The following ABLIM1 variants were observed in gnomAD, a reference collection of about 807,000 sequenced individuals.
ABLIM1 encodes the protein actin-binding LIM protein 1.
Under a neutral mutation model 107.0 loss-of-function variants are expected in ABLIM1, and 40 were observed. That is an observed-to-expected ratio of 0.37 (90% CI 0.29 to 0.49). The LOEUF (loss-of-function observed/expected upper bound fraction) is 0.49, where lower values mean the gene tolerates loss of function less well. Among genes scored for constraint, ABLIM1 ranks in the 20% least tolerant of loss-of-function variants. The pLI is 0.97. For synonymous variants in ABLIM1, 357 were observed against 357.3 expected (o/e 1.00, Z 0.01); for missense variants, 857 against 1,008.5 (o/e 0.85, Z 2.04).
chr10:114,601,097 C>G (rs868543473), intron 2 of ABLIM1, among the ~76,000 whole-genome samples: 9 of 92,146 alleles, frequency 9.8e-5, no homozygotes, highest in South Asian at 4.0e-4. Context: ...CACACACACA[C>G]ACACACACAG....
intron 12 of ABLIM1, among the ~76,000 whole-genome samples, chr10:114,461,224 G>T (rs960975672): frequency 6.6e-6 from 1 of 151,370 alleles, no homozygotes; most frequent in Non-Finnish European, 1.5e-5. Context: ...CACCATGCCC[G>T]GCTAATTTTT....
At chr10:114,704,377 C>A (rs893599656) in intron 1 of ABLIM1, among the ~76,000 whole-genome samples, 1 of 140,918 alleles carries the variant, frequency 7.1e-6, no homozygotes, top group East Asian at 2.2e-4. Context: ...ATAACAAGAG[C>A]CTAAATTGTT....
At chr10:114,589,217 G>GT (rs780535293) in intron 2 of ABLIM1, among the ~76,000 whole-genome samples, 4,389 of 136,100 alleles carry the variant, frequency 0.032, 100 homozygotes, top group African/African-American at 0.061. Context: ...GTGTGTGTGT[G>GT]TTTTTTTTTT....
At chr10:114,540,063 C>A (rs1431663693) in intron 6 of ABLIM1, among the ~76,000 whole-genome samples, 3 of 152,254 alleles carry the variant, frequency 2.0e-5, no homozygotes, top group African/African-American at 7.2e-5. Context: ...GAAGATGTAC[C>A]ATTTATAGCA....
At chr10:114,763,580 C>T (rs568285568) in intron 1 of ABLIM1, among the ~76,000 whole-genome samples, 14 of 152,050 alleles carry the variant, frequency 9.2e-5, no homozygotes, top group Admixed American at 6.5e-4. Context: ...TTAGTAGAGA[C>T]GGGGTTTCAC....
intron 1 of ABLIM1, among the ~76,000 whole-genome samples, chr10:114,740,681 T>C (rs2082268466): frequency 6.6e-6 from 1 of 152,114 alleles, no homozygotes. Flanking sequence ...AGTATATATA[T>C]ACTATATTAG....
the ABLIM1 span, among the ~76,000 whole-genome samples, chr10:114,782,291 T>A: frequency 6.6e-6 from 1 of 152,158 alleles, no homozygotes. Context: ...AGGAATCTTA[T>A]AGATTCATTT....
chr10:114,708,123 G>C (rs1266862887), intron 1 of ABLIM1, among the ~76,000 whole-genome samples: 1 of 152,136 alleles, frequency 6.6e-6, no homozygotes, highest in African/African-American at 2.4e-5. Flanking sequence ...CTAAGGAGAA[G>C]AGCGTTTAAA....
At chr10:114,704,335 T>TCACG (rs3061769) in intron 1 of ABLIM1, among the ~76,000 whole-genome samples, 9,776 of 82,488 alleles carry the variant, frequency 0.12, 1,115 homozygotes, top group East Asian at 0.23. Context: ...TATATATATA[T>TCACG]TGCGCGCGTT....
intron 4 of ABLIM1, among the ~76,000 whole-genome samples, chr10:114,552,557 C>T (rs963242410): frequency 2.0e-5 from 3 of 151,446 alleles, no homozygotes; most frequent in Admixed American, 6.6e-5. Context: ...TCACTCTTGG[C>T]ATCAAAAGCC....
At position 114,676,568 on chromosome 10, in the gene ABLIM1, G is replaced by C. The variant is rs367819565; in HGVS notation, c.64+7722C>G. 1.5e-4 allele frequency among the ~76,000 whole-genome samples: 23 copies of C among 152,068 alleles called. No individual in the cohort carries two copies. The East Asian group carries it at 2.7e-3, about 18-fold the overall frequency. On this transcript the variant is annotated intron_variant, in intron 1 of 23. Coordinates refer to the ABLIM1 transcript ENST00000369256. ...CTGGATTTATACGATTATGTTTCTT[G>C]GGGAAATGGTATTCCCAAGAAACTC...
chr10:114,610,458 CT>C, intron 1 of ABLIM1, among the ~76,000 whole-genome samples: 1 of 152,326 alleles, frequency 6.6e-6, no homozygotes, highest in East Asian at 1.9e-4. Flanking sequence ...AATATTTTCT[CT>C]GCTTCTACCC....
At position 114,533,108 on chromosome 10, in the gene ABLIM1, G is replaced by A. The variant is rs187687621; in HGVS notation, c.894+11897C>T. 1.9e-3 allele frequency among the ~76,000 whole-genome samples: 282 copies of A among 152,308 alleles called. 2 individuals carry two copies. Among genetic ancestry groups the A allele is most frequent in the African/African-American group, 6.5e-3 (272 of 41,568 alleles). ...TTATCCCAGCACTTTGGGTGGCTGA[G>A]GTGGGTGGATCATTTGAGGTCAGGA... On this transcript the variant is annotated intron_variant, in intron 6 of 22. Transcript: ENST00000533213.
At position 114,727,964 on chromosome 10, in the gene ABLIM1, C is replaced by G. The variant is rs377450391; in HGVS notation, c.-213+40097G>C. ...AAAATTTCTGTTCAAAAACAGCCAC[C>G]ATAAAAACAAACTGGGAGATGTGTA... On this transcript the variant is annotated intron_variant, in intron 1 of 15. Transcript: ENST00000651092. Among the ~76,000 whole-genome samples the G allele has an allele frequency of 6.8e-4, 103 of 152,186 alleles. 3 individuals carry two copies. The South Asian group carries it at 0.02, about 29-fold the overall frequency.
intron 8 of ABLIM1, among the ~76,000 whole-genome samples, chr10:114,479,686 C>A (rs1471330107): frequency 6.6e-6 from 1 of 152,160 alleles, no homozygotes; most frequent in Non-Finnish European, 1.5e-5. Context: ...TCCCTAATGT[C>A]TCTCAGAGTG....
chr10:114,646,075 A>G (rs1292073917), intron 1 of ABLIM1, among the ~76,000 whole-genome samples: 1 of 152,118 alleles, frequency 6.6e-6, no homozygotes, highest in Non-Finnish European at 1.5e-5. Context: ...TTCTCTCACT[A>G]TCTCTAGCAA....
At chr10:114,783,092 G>A in the ABLIM1 span, among the ~76,000 whole-genome samples, 4 of 152,044 alleles carry the variant, frequency 2.6e-5, no homozygotes, top group East Asian at 7.7e-4. Context: ...GACCAGCCTG[G>A]CCAACATAGT....
At chr10:114,763,313 G>A (rs906574173) in intron 1 of ABLIM1, among the ~76,000 whole-genome samples, 1 of 152,008 alleles carries the variant, frequency 6.6e-6, no homozygotes, top group African/African-American at 2.4e-5. Flanking sequence ...CAGCCTGTTT[G>A]AATTTAAACA....
At chr10:114,472,659 C>T (rs1023830804) in intron 10 of ABLIM1, among the ~76,000 whole-genome samples, 1 of 152,038 alleles carries the variant, frequency 6.6e-6, no homozygotes, top group East Asian at 1.9e-4. Context: ...TAGACTAAGA[C>T]CCCCAGGAGA....
Sources: gnomAD v4.1 joint callset for allele counts (sites outside exome capture counted in the v4.1 genomes callset) on GRCh38, gnomAD v4.1.1 for gene constraint, MANE v1.5 for transcripts, NCBI Gene and HGNC (gene_info 2026-07-23, HGNC 2026-07-21) for gene names.